DMXL2: variants seen among roughly 807,000 people sequenced by gnomAD.
DMXL2 encodes the protein dmX-like protein 2.
Under a neutral mutation model 331.1 loss-of-function variants are expected in DMXL2, and 103 were observed. That is an observed-to-expected ratio of 0.31 (90% CI 0.27 to 0.37). DMXL2 has a LOEUF of 0.37. Ranked by LOEUF, DMXL2 falls within the 10% of genes least tolerant of loss-of-function variation. The pLI is 1.00. For synonymous variants in DMXL2, 1,281 were observed against 1,252.1 expected, an observed-to-expected ratio of 1.02 and a Z score of -0.49; for missense variants, 3,171 against 3,642.9, an observed-to-expected ratio of 0.87 and a Z score of 3.33.
chr15:51,490,820 T>TC (rs755994608), intron 20 of DMXL2, among the ~76,000 whole-genome samples: 15 of 152,072 alleles, frequency 9.9e-5, no homozygotes, highest in Non-Finnish European at 1.8e-4. Context: ...GATATGTTCT[T>TC]CAAGTACATA....
At chr15:51,543,873 A>G (rs1424752428) in intron 8 of DMXL2, among the ~76,000 whole-genome samples, 2 of 152,152 alleles carry the variant, frequency 1.3e-5, no homozygotes, top group East Asian at 3.8e-4. Flanking sequence ...CTTGAAAAGC[A>G]ATATATCAGG....
intron 23 of DMXL2, 125 bp from the exon 24 acceptor site, chr15:51,481,748 ACACTATGGC>A: frequency 2.7e-5 from 23 of 863,456 alleles, no homozygotes; most frequent in Non-Finnish European, 3.8e-5. Flanking sequence ...ACGATAGGTT[ACACTATGGC>A]ATATACAATC....
intron 1 of DMXL2, among the ~76,000 whole-genome samples, chr15:51,610,818 T>G (rs1002496244): frequency 6.6e-6 from 1 of 151,794 alleles, no homozygotes; most frequent in Non-Finnish European, 1.5e-5. Context: ...TTCAATAAAC[T>G]TAAAAAGACT....
intron 2 of DMXL2, among the ~76,000 whole-genome samples, chr15:51,572,365 A>T (rs2050732995): frequency 6.6e-6 from 1 of 152,014 alleles, no homozygotes; most frequent in Non-Finnish European, 1.5e-5. Context: ...TACAAAAAGG[A>T]GCTGGTACCA....
At chr15:51,479,810 A>C (rs1399937339) in intron 25 of DMXL2, 138 bp downstream of exon 25, 1 of 509,956 alleles carries the variant, frequency 2.0e-6, no homozygotes, top group Non-Finnish European at 3.1e-6. Flanking sequence ...CATTCATTGG[A>C]CTAATAGTCT....
chr15:51,538,639 T>C (rs945742970), intron 9 of DMXL2, among the ~76,000 whole-genome samples, 187 bp from the exon 10 acceptor site: 3 of 152,212 alleles, frequency 2.0e-5, no homozygotes, highest in African/African-American at 7.2e-5. Context: ...GATAGACATA[T>C]GAAATTAAAC....
chr15:51,570,506 T>TGAA (rs2050595049), intron 2 of DMXL2, among the ~76,000 whole-genome samples: 1 of 151,408 alleles, frequency 6.6e-6, no homozygotes, highest in African/African-American at 2.4e-5. Context: ...TTAACCAAGG[T>TGAA]TGAAATGAAG....
intron 19 of DMXL2, among the ~76,000 whole-genome samples, chr15:51,493,703 T>C (rs2042961236): frequency 6.6e-6 from 1 of 152,192 alleles, no homozygotes; most frequent in Admixed American, 6.5e-5. Flanking sequence ...TTTAGAAATT[T>C]GAAGTGTTTT....
At chr15:51,571,555 T>C (rs2050670301) in intron 2 of DMXL2, among the ~76,000 whole-genome samples, 1 of 152,092 alleles carries the variant, frequency 6.6e-6, no homozygotes, top group Non-Finnish European at 1.5e-5. Flanking sequence ...CCTCAGCAAA[T>C]GCAAAAGAAT....
At chr15:51,565,800 C>T (rs950524092) in intron 3 of DMXL2, among the ~76,000 whole-genome samples, 8 of 152,158 alleles carry the variant, frequency 5.3e-5, no homozygotes, top group African/African-American at 1.9e-4. Context: ...AGCTATGTTA[C>T]CTTAGGCAAG....
rs528105973 is a variant in DMXL2, at chr15:51,585,618, A to G, written c.88-9437T>C. Among the ~76,000 whole-genome samples the G allele has an allele frequency of 2.1e-4, 32 of 152,258 alleles. No homozygotes were observed. The South Asian group carries it at 6.4e-3, about 31-fold the overall frequency. On this transcript the variant is annotated intron_variant, in intron 1 of 43. Coordinates refer to ENST00000560891, the MANE Select transcript of DMXL2 (RefSeq NM_001378457.1). ...ATATGCTGGATCAGTGATTAAAATT[A>G]ATTGCAACTGCAAATTGTCTTCCAA...
chr15:51,544,545 A>G (rs1158245647), intron 8 of DMXL2, among the ~76,000 whole-genome samples: 1 of 152,078 alleles, frequency 6.6e-6, no homozygotes, highest in Non-Finnish European at 1.5e-5. Context: ...TACAGACAAT[A>G]CCTGAGGAGG....
chr15:51,463,344 A>G, intron 33 of DMXL2, 35 bp downstream of exon 33: 1 of 1,302,464 alleles, frequency 7.7e-7, no homozygotes, highest in South Asian at 1.3e-5. Context: ...AAAACTAAAG[A>G]AAAATTACAA....
At chr15:51,484,256 C>T (rs1331893440) in intron 23 of DMXL2, among the ~76,000 whole-genome samples, 3 of 152,226 alleles carry the variant, frequency 2.0e-5, no homozygotes, top group Non-Finnish European at 4.4e-5. Flanking sequence ...GGCCAAGTGA[C>T]CATGTACCCA....
intron 41 of DMXL2, among the ~76,000 whole-genome samples, chr15:51,452,230 C>G (rs1595868333): frequency 6.6e-6 from 1 of 152,058 alleles, no homozygotes; most frequent in Non-Finnish European, 1.5e-5. Context: ...TAGACATTGA[C>G]TTAAAGAATT....
intron 1 of DMXL2, among the ~76,000 whole-genome samples, chr15:51,597,059 C>T (rs887894680): frequency 6.6e-6 from 1 of 152,068 alleles, no homozygotes; most frequent in African/African-American, 2.4e-5. Context: ...TACCCTAAAA[C>T]TTAAAGTATA....
chr15:51,532,687 T>A (rs944358547), intron 13 of DMXL2, among the ~76,000 whole-genome samples: 2 of 152,116 alleles, frequency 1.3e-5, no homozygotes, highest in South Asian at 2.1e-4. Flanking sequence ...TTTAAAAAAA[T>A]TTTTTAAACC....
chr15:51,466,579 T>A (rs1428924525), intron 29 of DMXL2: 1 of 153,228 alleles, frequency 6.5e-6, no homozygotes, highest in African/African-American at 2.4e-5. Context: ...AAATTTTTTT[T>A]AATCAATAGT....
chr15:51,498,839 C>T lies in DMXL2; in HGVS notation c.4385G>A (p.Ser1462Asn). ...CTCTGAATACTGATCCTCTGGTTGA[C>T]TTACTGTCTGATCTTCATAGCTCTG... The part of the protein sequence containing the change: ...IPQSYEDQTV[S>N]QPEDQYSELF... Residue 1462 changes from serine to asparagine, a missense_variant, in exon 18 of 44, where the codon AGT becomes AAT. Around this residue, in one of 7 missense-constraint regions of DMXL2, gnomAD observed 1,674 missense variants for 1,780.2 expected, o/e 0.94. Transcript: ENST00000560891. 6.2e-7 allele frequency: 1 copy of T among 1,614,190 alleles called. No individual in the cohort carries two copies. Among genetic ancestry groups the T allele is most frequent in the Non-Finnish European group, 8.5e-7 (1 of 1,180,022 alleles).
Sources: gnomAD v4.1 joint callset for allele counts (sites outside exome capture counted in the v4.1 genomes callset) on GRCh38, gnomAD v4.1.1 for gene constraint, gnomAD v4.1.1 regional missense constraint, MANE v1.5 for transcripts, NCBI Gene and HGNC (gene_info 2026-07-23, HGNC 2026-07-21) for gene names.